The following RYR2 variants were observed in gnomAD, a reference collection of about 807,000 sequenced individuals.
The protein encoded by RYR2 is ryanodine receptor 2.
RYR2 carries 227 observed loss-of-function variants against 601.1 expected under a neutral mutation model. The observed-to-expected ratio is 0.38, with a 90% CI of 0.34 to 0.42. The LOEUF (loss-of-function observed/expected upper bound fraction) is 0.42. Among genes scored for constraint, RYR2 ranks in the 10% least tolerant of loss-of-function variants. The pLI, the probability that RYR2 is intolerant of heterozygous loss-of-function variation, is 1.00. For missense variants in RYR2, 4,646 were observed against 6,156.5 expected (o/e 0.75, Z 8.21); for synonymous variants, 2,223 against 2,175.1 (o/e 1.02, Z -0.61).
Position 237,176,242 on chromosome 1 carries a change from G to GA in RYR2, c.49-94248dup, listed in dbSNP as rs143853577. On this transcript the variant is annotated intron_variant, in intron 1 of 104. Transcript: ENST00000366574. ...ATAGAGCAAGACTCTGTCTCTTAAT[G>GA]AAAAAAATATATATATATATATAAA... Among the ~76,000 whole-genome samples, 345 of 140,224 alleles carry GA rather than the reference G, an allele frequency of 2.5e-3. 3 individuals are homozygous for GA. The highest frequency in any genetic ancestry group is 7.7e-3 in the African/African-American group (297 of 38,714). 92.0% of individuals were successfully genotyped at this position (140,224 alleles called of 152,430 possible). A position where few individuals can be genotyped will look rare whatever the true frequency, so the allele number is the denominator to read the frequency against.
At chr1:237,628,940 C>G (rs1679968096) in intron 41 of RYR2, among the ~76,000 whole-genome samples, 1 of 152,030 alleles carries the variant, frequency 6.6e-6, no homozygotes, top group East Asian at 1.9e-4. Context: ...CATGAGCTTG[C>G]ATTTCATGTG....
At chr1:237,251,210 G>A (rs1027813034) in intron 1 of RYR2, among the ~76,000 whole-genome samples, 7 of 151,930 alleles carry the variant, frequency 4.6e-5, no homozygotes, top group African/African-American at 9.7e-5. Flanking sequence ...ACTCCATATC[G>A]TCTTCAGCTA....
At chr1:237,631,836 G>A (rs573565288) in intron 42 of RYR2, among the ~76,000 whole-genome samples, 12 of 148,510 alleles carry the variant, frequency 8.1e-5, no homozygotes, top group South Asian at 2.1e-4. Context: ...CACTGTGTTA[G>A]CCAGGATGGT....
chr1:237,335,031 T>A (rs1697112247), intron 3 of RYR2, among the ~76,000 whole-genome samples: 1 of 152,210 alleles, frequency 6.6e-6, no homozygotes, highest in South Asian at 2.1e-4. Flanking sequence ...CTGCTATTAA[T>A]TCCTGACTGC....
intron 1 of RYR2, among the ~76,000 whole-genome samples, chr1:237,090,646 G>A (rs1666860574): frequency 6.6e-6 from 1 of 152,204 alleles, no homozygotes; most frequent in Non-Finnish European, 1.5e-5. Flanking sequence ...ACTAATAAAG[G>A]AAACTAATAT....
At chr1:237,708,798 C>G in intron 68 of RYR2, 60 bp from the exon 69 acceptor site, 1 of 1,429,362 alleles carries the variant, frequency 7.0e-7, no homozygotes, top group Non-Finnish European at 9.7e-7. Context: ...TAATTACAAT[C>G]TATCATCATG....
intron 1 of RYR2, among the ~76,000 whole-genome samples, chr1:237,260,615 T>C (rs566373764): frequency 6.6e-6 from 1 of 152,278 alleles, no homozygotes; most frequent in Non-Finnish European, 1.5e-5. Flanking sequence ...GGCAGATCGC[T>C]TAAGTCCAGG....
chr1:237,486,218 T>TG (rs1310738829), intron 17 of RYR2, among the ~76,000 whole-genome samples: 7 of 152,232 alleles, frequency 4.6e-5, no homozygotes, highest in Admixed American at 2.6e-4. Context: ...AAAAGTTAGT[T>TG]GGGGGTACTT....
At chr1:237,155,277 G>A (rs1399492070) in intron 1 of RYR2, among the ~76,000 whole-genome samples, 2 of 146,384 alleles carry the variant, frequency 1.4e-5, no homozygotes, top group African/African-American at 2.5e-5. Context: ...CCGAGTTCAC[G>A]CCACTCTCCT....
At chr1:237,337,752 A>G (rs540446059) in intron 3 of RYR2, among the ~76,000 whole-genome samples, 68 of 152,298 alleles carry the variant, frequency 4.5e-4, no homozygotes, top group African/African-American at 1.5e-3. Flanking sequence ...GAAAATAACT[A>G]TAATCTCTGG....
intron 1 of RYR2, among the ~76,000 whole-genome samples, chr1:237,087,796 G>A (rs1352881615): frequency 6.6e-6 from 1 of 152,168 alleles, no homozygotes; most frequent in Non-Finnish European, 1.5e-5. Flanking sequence ...TTTGTAAAAT[G>A]AGCCTTAATA....
At chr1:237,776,139 C>T (rs1694640678) in intron 87 of RYR2, among the ~76,000 whole-genome samples, 2 of 152,122 alleles carry the variant, frequency 1.3e-5, no homozygotes, top group Non-Finnish European at 2.9e-5. Flanking sequence ...ATCTAGTGTT[C>T]ACCTCTTGCA....
chr1:237,785,847 G>C lies in RYR2; in HGVS notation c.13261-122G>C, dbSNP rs117613944. 1.1e-4 allele frequency: 78 copies of C among 716,672 alleles called. No individual in the cohort carries two copies. In the African/African-American group the frequency reaches 1.3e-3, roughly 12 times the overall value. The allele number at this position is 716,672 out of a possible 1,614,324, so 44.4% of individuals were successfully genotyped here. A position where few individuals can be genotyped will look rare whatever the true frequency, so the allele number is the denominator to read the frequency against. On this transcript the variant is annotated intron_variant, in intron 90 of 104. Transcript: ENST00000366574. ...ATGAAAAACACGTGGCGCTTTTATC[G>C]TGGTATAAGCAAGAGGGTATCTTAT...
chr1:237,564,894 A>T (rs2148228950), intron 27 of RYR2, among the ~76,000 whole-genome samples: 1 of 152,310 alleles, frequency 6.6e-6, no homozygotes, highest in South Asian at 2.1e-4. Flanking sequence ...TGGTGTCTCC[A>T]CTGCTTTACT....
intron 88 of RYR2, 74 bp downstream of exon 88, chr1:237,778,844 C>CT: frequency 1.4e-6 from 1 of 734,306 alleles, no homozygotes; most frequent in South Asian, 1.6e-5. Context: ...ATTAAACATG[C>CT]TTTTTGATGT....
intron 27 of RYR2, among the ~76,000 whole-genome samples, chr1:237,552,626 A>G (rs190332474): frequency 8.5e-5 from 13 of 152,108 alleles, no homozygotes; most frequent in African/African-American, 3.1e-4. Context: ...TAGATTTTAT[A>G]ATCATTATCA....
intron 6 of RYR2, among the ~76,000 whole-genome samples, chr1:237,372,020 T>C (rs922399219): frequency 6.6e-6 from 1 of 152,062 alleles, no homozygotes; most frequent in Non-Finnish European, 1.5e-5. Context: ...AACCTGCACA[T>C]TGGGCACATG....
At position 237,510,702 on chromosome 1, in the gene RYR2, G is replaced by T. The variant is rs769560568; in HGVS notation, c.2719-986G>T. Among the ~76,000 whole-genome samples the T allele has an allele frequency of 6.7e-4, 102 of 152,132 alleles. 1 individual carries two copies. The highest frequency in any genetic ancestry group is 1.8e-4 in the Non-Finnish European group (12 of 68,028). ...GGTAATGATGCTCATGAACTAATTT[G>T]TTCCCTGACAGCATATGGCTGCCAT... On this transcript the variant is annotated intron_variant, in intron 23 of 104. Transcript: ENST00000366574.
intron 2 of RYR2, among the ~76,000 whole-genome samples, chr1:237,315,795 G>A (rs961232456): frequency 6.6e-6 from 1 of 152,224 alleles, no homozygotes; most frequent in African/African-American, 2.4e-5. Flanking sequence ...GGACAAATGG[G>A]AGAAATGAAA....
Sources: gnomAD v4.1 joint callset for allele counts (sites outside exome capture counted in the v4.1 genomes callset) on GRCh38, gnomAD v4.1.1 for gene constraint, MANE v1.5 for transcripts, NCBI Gene and HGNC (gene_info 2026-07-23, HGNC 2026-07-21) for gene names.